Variants in RBFOX1 observed in about 807,000 individuals in gnomAD.
RBFOX1 encodes the protein RNA binding protein fox-1 homolog 1.
Under a neutral mutation model 57.7 loss-of-function variants are expected in RBFOX1, and 8 were observed. That is an observed-to-expected ratio of 0.14 (90% CI 0.08 to 0.25). The LOEUF is 0.25. RBFOX1 is among the 10% of genes least tolerant of loss of function. RBFOX1 has a pLI of 1.00. For missense variants in RBFOX1, 611 were observed against 548.5 expected (o/e 1.11, Z -1.14); for synonymous variants, 326 against 222.4 (o/e 1.47, Z -4.15).
intron 1 of RBFOX1, among the ~76,000 whole-genome samples, chr16:6,307,986 C>T (rs116744735): frequency 0.067 from 9,893 of 148,134 alleles, 539 homozygotes; most frequent in East Asian, 0.14. Context: ...TTTATATATT[C>T]GCTTAGGTTG....
At chr16:6,407,272 A>G (rs926456805) in intron 2 of RBFOX1, among the ~76,000 whole-genome samples, 2 of 152,054 alleles carry the variant, frequency 1.3e-5, no homozygotes, top group Non-Finnish European at 2.9e-5. Flanking sequence ...GGATTTGCCT[A>G]TGTCCAAGTC....
At chr16:5,930,194 G>T (rs1332566568) in intron 4 of RBFOX1, among the ~76,000 whole-genome samples, 1 of 140,770 alleles carries the variant, frequency 7.1e-6, no homozygotes, top group Non-Finnish European at 1.5e-5. Context: ...TAGCTTAAAA[G>T]AAAGAAGAAT....
chr16:6,666,829 A>G (rs1177239579), intron 3 of RBFOX1, among the ~76,000 whole-genome samples: 2 of 152,094 alleles, frequency 1.3e-5, no homozygotes, highest in African/African-American at 2.4e-5. Context: ...ATATCTCTGC[A>G]TTGAATTTCC....
At chr16:7,540,001 G>A (rs898174745) in intron 5 of RBFOX1, among the ~76,000 whole-genome samples, 1 of 152,086 alleles carries the variant, frequency 6.6e-6, no homozygotes, top group Non-Finnish European at 1.5e-5. Flanking sequence ...ACCTCACTAA[G>A]CCCTAAAGCA....
At chr16:7,332,823 A>G (rs998210678) in intron 4 of RBFOX1, 28 of 1,422,812 alleles carry the variant, frequency 2.0e-5, no homozygotes, top group Non-Finnish European at 2.5e-5. Flanking sequence ...CTTTCACATT[A>G]AGAGTTGCTG....
chr16:5,891,037 A>G (rs2058034210), intron 4 of RBFOX1, among the ~76,000 whole-genome samples: 1 of 152,336 alleles, frequency 6.6e-6, no homozygotes, highest in East Asian at 1.9e-4. Context: ...AGATGCGTGC[A>G]AATCCCTTAG....
chr16:6,976,382 A>C (rs181204785), intron 3 of RBFOX1, among the ~76,000 whole-genome samples: 4 of 152,130 alleles, frequency 2.6e-5, no homozygotes, highest in Non-Finnish European at 5.9e-5. Flanking sequence ...ACATGAAGCA[A>C]ATATCATTTT....
chr16:6,157,627 G>A (rs951514956), intron 1 of RBFOX1, among the ~76,000 whole-genome samples: 1 of 152,018 alleles, frequency 6.6e-6, no homozygotes, highest in African/African-American at 2.4e-5. Flanking sequence ...TTATTTGTAA[G>A]CTTAATTTCT....
chr16:6,777,860 G>T (rs1348073159), intron 3 of RBFOX1, among the ~76,000 whole-genome samples: 2 of 152,132 alleles, frequency 1.3e-5, no homozygotes, highest in Non-Finnish European at 2.9e-5. Context: ...GTATTCCTCA[G>T]AGGTGTCAGA....
intron 3 of RBFOX1, among the ~76,000 whole-genome samples, chr16:5,619,685 C>T (rs1053581575): frequency 6.6e-6 from 1 of 152,128 alleles, no homozygotes; most frequent in African/African-American, 2.4e-5. Flanking sequence ...CAGCTGTTGC[C>T]AGAAACTCTT....
At chr16:6,342,829 C>T (rs1000240825) in intron 2 of RBFOX1, among the ~76,000 whole-genome samples, 1 of 152,164 alleles carries the variant, frequency 6.6e-6, no homozygotes, top group Non-Finnish European at 1.5e-5. Flanking sequence ...ATCACCTTGA[C>T]ATTTTGTATT....
intron 3 of RBFOX1, among the ~76,000 whole-genome samples, chr16:6,692,460 A>G (rs1407249600): frequency 3.3e-5 from 5 of 152,268 alleles, no homozygotes; most frequent in Admixed American, 2.6e-4. Flanking sequence ...AGAACATTGA[A>G]ATGTTTAACT....
chr16:6,902,260 C>T (rs2068676989), intron 3 of RBFOX1, among the ~76,000 whole-genome samples: 2 of 152,086 alleles, frequency 1.3e-5, no homozygotes, highest in East Asian at 1.9e-4. Flanking sequence ...TGTATTGAAG[C>T]CCCGTTTTTG....
At chr16:7,657,061 T>A (rs2066489993) in intron 12 of RBFOX1, among the ~76,000 whole-genome samples, 1 of 152,164 alleles carries the variant, frequency 6.6e-6, no homozygotes, top group African/African-American at 2.4e-5. Context: ...TCTGCCAACC[T>A]AAATCTGTTC....
At chr16:6,234,442 C>A (rs2097489734) in intron 1 of RBFOX1, among the ~76,000 whole-genome samples, 1 of 152,156 alleles carries the variant, frequency 6.6e-6, no homozygotes, top group South Asian at 2.1e-4. Flanking sequence ...ATCATTTACC[C>A]TTCCTGCCAC....
At chr16:5,433,230 C>T (rs76959029) in intron 1 of RBFOX1, among the ~76,000 whole-genome samples, 13 of 152,256 alleles carry the variant, frequency 8.5e-5, no homozygotes, top group South Asian at 6.2e-4. Flanking sequence ...GAAGCTGTTA[C>T]GGTGCAGGAG....
chr16:6,919,680 A>T (rs929225140), intron 3 of RBFOX1, among the ~76,000 whole-genome samples: 1 of 152,126 alleles, frequency 6.6e-6, no homozygotes, highest in Admixed American at 6.6e-5. Flanking sequence ...ATCCAGATCC[A>T]TAAGACATTG....
intron 2 of RBFOX1, among the ~76,000 whole-genome samples, chr16:6,450,786 TATAC>T (rs1223998911): frequency 1.9e-5 from 1 of 53,812 alleles, no homozygotes; most frequent in African/African-American, 9.7e-5. Context: ...TATATATATA[TATAC>T]ATATATATAT....
chr16:7,109,108 A>G (rs946977151), intron 4 of RBFOX1, among the ~76,000 whole-genome samples: 7 of 152,138 alleles, frequency 4.6e-5, no homozygotes, highest in Admixed American at 1.3e-4. Context: ...AAAAAGAGCC[A>G]CCTCTTTGAA....
Sources: allele counts gnomAD v4.1 joint callset (sites outside exome capture counted in the v4.1 genomes callset), GRCh38; gene constraint gnomAD v4.1.1; transcripts MANE v1.5; gene names NCBI Gene and HGNC (gene_info 2026-07-23, HGNC 2026-07-21).